The following NCKAP5 variants were observed in gnomAD, a reference collection of about 807,000 sequenced individuals.
NCKAP5 encodes the protein NCK associated protein 5.
Under a neutral mutation model 167.0 loss-of-function variants are expected in NCKAP5, and 92 were observed. The ratio of observed to expected loss-of-function variants is 0.55; its 90% CI spans 0.47 to 0.66. The LOEUF (loss-of-function observed/expected upper bound fraction) is 0.66. Among genes scored for constraint, NCKAP5 ranks in the 30% least tolerant of loss-of-function variants. The pLI is 0.00. For missense variants in NCKAP5, 2,378 were observed against 2,315.0 expected (o/e 1.03, Z -0.56); for synonymous variants, 891 against 877.4 (o/e 1.02, Z -0.27).
the NCKAP5 span, among the ~76,000 whole-genome samples, chr2:133,587,211 C>G: frequency 6.6e-6 from 1 of 152,096 alleles, no homozygotes; most frequent in Admixed American, 6.5e-5. Context: ...AGCCAGATTG[C>G]CAGGGCTGGA....
intron 3 of NCKAP5, among the ~76,000 whole-genome samples, chr2:133,309,372 A>T (rs755374958): frequency 1.3e-5 from 2 of 152,222 alleles, no homozygotes; most frequent in Non-Finnish European, 2.9e-5. Flanking sequence ...CCTTTATATT[A>T]TTCTAAAGCT....
chr2:133,653,592 T>C, the NCKAP5 span, among the ~76,000 whole-genome samples: 2 of 152,202 alleles, frequency 1.3e-5, no homozygotes, highest in East Asian at 1.9e-4. Context: ...TCACCTTTAA[T>C]TCATCAGTAA....
chr2:132,708,052 G>A (rs1281440290), intron 19 of NCKAP5, among the ~76,000 whole-genome samples: 1 of 152,134 alleles, frequency 6.6e-6, no homozygotes, highest in African/African-American at 2.4e-5. Context: ...AAATGCAGCA[G>A]CAGTACCCAG....
At chr2:133,637,824 A>G in the NCKAP5 span, among the ~76,000 whole-genome samples, 2 of 152,140 alleles carry the variant, frequency 1.3e-5, no homozygotes, top group Non-Finnish European at 2.9e-5. Context: ...TATATTGACC[A>G]AAAAATGTCC....
At chr2:133,346,731 T>C (rs1684002208) in intron 3 of NCKAP5, among the ~76,000 whole-genome samples, 1 of 152,190 alleles carries the variant, frequency 6.6e-6, no homozygotes, top group Admixed American at 6.5e-5. Flanking sequence ...TGAATAAATG[T>C]GTGCAACCAA....
At chr2:132,742,347 T>C (rs1450981617) in intron 16 of NCKAP5, among the ~76,000 whole-genome samples, 1 of 151,928 alleles carries the variant, frequency 6.6e-6, no homozygotes, top group Non-Finnish European at 1.5e-5. Flanking sequence ...TGGGGTACAA[T>C]GCCGCAGGAA....
intron 11 of NCKAP5, among the ~76,000 whole-genome samples, chr2:132,806,590 G>A (rs1301541948): frequency 3.9e-5 from 6 of 152,044 alleles, no homozygotes; most frequent in East Asian, 1.9e-4. Flanking sequence ...GTCTATTCAC[G>A]TCCTTAGCCC....
At chr2:133,240,435 T>G (rs907284155) in intron 4 of NCKAP5, among the ~76,000 whole-genome samples, 1 of 152,184 alleles carries the variant, frequency 6.6e-6, no homozygotes, top group Non-Finnish European at 1.5e-5. Context: ...TCCGTACACT[T>G]CACCCTTGCA....
intron 3 of NCKAP5, among the ~76,000 whole-genome samples, chr2:133,384,367 AG>A (rs1269596549): frequency 6.6e-6 from 1 of 152,152 alleles, no homozygotes; most frequent in Admixed American, 6.5e-5. Context: ...AGATAGCTAT[AG>A]ATGTGTGGTA....
chr2:133,446,376 T>C (rs958523634), intron 3 of NCKAP5, among the ~76,000 whole-genome samples: 2 of 152,222 alleles, frequency 1.3e-5, no homozygotes, highest in African/African-American at 4.8e-5. Flanking sequence ...CAAAAATAGC[T>C]AACACATACT....
At chr2:133,670,238 G>A in the NCKAP5 span, among the ~76,000 whole-genome samples, 1 of 152,182 alleles carries the variant, frequency 6.6e-6, no homozygotes, top group Non-Finnish European at 1.5e-5. Context: ...TAATGCATGT[G>A]TAGCATACAG....
intron 11 of NCKAP5, among the ~76,000 whole-genome samples, chr2:132,838,682 C>G (rs1489200386): frequency 6.6e-6 from 1 of 152,072 alleles, no homozygotes; most frequent in Non-Finnish European, 1.5e-5. Flanking sequence ...TCTGCTTTTG[C>G]TTTTTCTCCT....
chr2:133,222,351 C>G (rs1008400624), intron 4 of NCKAP5, among the ~76,000 whole-genome samples: 1 of 138,122 alleles, frequency 7.2e-6, no homozygotes, highest in Non-Finnish European at 1.6e-5. Context: ...AAACAAGTGG[C>G]ACTGTTTTAT....
At chr2:133,563,560 T>G (rs1286293608) in intron 1 of NCKAP5, among the ~76,000 whole-genome samples, 2 of 24,114 alleles carry the variant, frequency 8.3e-5, no homozygotes, top group East Asian at 3.5e-3. Context: ...AGAGAAAGAC[T>G]CCATAAAAAA....
At chr2:132,730,323 A>G (rs1268462610) in intron 17 of NCKAP5, among the ~76,000 whole-genome samples, 2 of 152,068 alleles carry the variant, frequency 1.3e-5, no homozygotes, top group African/African-American at 4.8e-5. Flanking sequence ...GCGAAACCCC[A>G]TCTCTACTAA....
intron 2 of NCKAP5, among the ~76,000 whole-genome samples, chr2:133,548,134 G>C (rs1043781465): frequency 6.6e-6 from 1 of 150,692 alleles, no homozygotes; most frequent in South Asian, 2.1e-4. Flanking sequence ...ATCAGCAATG[G>C]AAGATGAAAT....
intron 19 of NCKAP5, among the ~76,000 whole-genome samples, chr2:132,699,329 T>C (rs920975786): frequency 6.6e-6 from 1 of 152,176 alleles, no homozygotes; most frequent in Non-Finnish European, 1.5e-5. Context: ...TTTGACATGA[T>C]AGATTTTTTT....
At chr2:132,980,192 A>G (rs1459980141) in intron 7 of NCKAP5, among the ~76,000 whole-genome samples, 1 of 151,694 alleles carries the variant, frequency 6.6e-6, no homozygotes. Context: ...GAGTTTCACC[A>G]TGTTGCCCAG....
intron 4 of NCKAP5, among the ~76,000 whole-genome samples, chr2:133,264,549 A>C (rs967089895): frequency 1.3e-5 from 2 of 152,202 alleles, no homozygotes; most frequent in Non-Finnish European, 2.9e-5. Flanking sequence ...CCTCTGAAGG[A>C]AGTTTTGTTT....
Sources: gnomAD v4.1 joint callset for allele counts (sites outside exome capture counted in the v4.1 genomes callset) on GRCh38, gnomAD v4.1.1 for gene constraint, MANE v1.5 for transcripts, NCBI Gene and HGNC (gene_info 2026-07-23, HGNC 2026-07-21) for gene names.